METTL15: variants seen among roughly 807,000 people sequenced by gnomAD.
METTL15 encodes 12S rRNA N(4)-cytidine methyltransferase METTL15.
A neutral mutation model predicts 38.3 loss-of-function variants in METTL15; 34 were observed. That is an observed-to-expected ratio of 0.89 (90% CI 0.68 to 1.18). The LOEUF (loss-of-function observed/expected upper bound fraction) is 1.18. METTL15 is among the 50% of genes most tolerant of loss of function. The pLI, the probability that METTL15 is intolerant of heterozygous loss-of-function variation, is 0.00. For missense variants in METTL15, 438 were observed against 498.4 expected (o/e 0.88, Z 1.15); for synonymous variants, 162 against 170.9 (o/e 0.95, Z 0.41).
chr11:28,360,638 C>T (rs980923921), intron 4 of METTL15, among the ~76,000 whole-genome samples: 9 of 151,992 alleles, frequency 5.9e-5, no homozygotes, highest in African/African-American at 1.7e-4. Context: ...GGTGCTTTCA[C>T]GATGTGTAAA....
intron 3 of METTL15, among the ~76,000 whole-genome samples, chr11:28,150,577 G>A (rs983737401): frequency 2.6e-5 from 4 of 151,588 alleles, no homozygotes; most frequent in Non-Finnish European, 5.9e-5. Context: ...TAAAATGGGG[G>A]TGATTTTAAA....
intron 4 of METTL15, among the ~76,000 whole-genome samples, chr11:28,221,133 C>T (rs1338989586): frequency 1.3e-5 from 2 of 152,198 alleles, no homozygotes; most frequent in African/African-American, 2.4e-5. Context: ...GGAAGTTCTC[C>T]TGGATAGTAT....
chr11:28,162,792 T>A (rs961213303), intron 3 of METTL15, among the ~76,000 whole-genome samples: 1 of 152,148 alleles, frequency 6.6e-6, no homozygotes, highest in African/African-American at 2.4e-5. Context: ...GATTATCATG[T>A]AATTTATTGA....
At chr11:28,282,153 G>A (rs1856078871) in intron 4 of METTL15, among the ~76,000 whole-genome samples, 1 of 152,072 alleles carries the variant, frequency 6.6e-6, no homozygotes, top group Non-Finnish European at 1.5e-5. Flanking sequence ...AACCCTTACT[G>A]CTAACATGCT....
chr11:28,496,901 A>C (rs1350640146), intron 6 of METTL15, among the ~76,000 whole-genome samples: 1 of 152,194 alleles, frequency 6.6e-6, no homozygotes, highest in Non-Finnish European at 1.5e-5. Flanking sequence ...AATACCTTTG[A>C]ACCTTCCCCT....
At chr11:28,377,679 C>G (rs1463581986) in intron 5 of METTL15, among the ~76,000 whole-genome samples, 2 of 152,166 alleles carry the variant, frequency 1.3e-5, no homozygotes, top group Non-Finnish European at 2.9e-5. Flanking sequence ...ATTCTCTGTC[C>G]AGCTTTGTTC....
chr11:28,279,636 C>T (rs1325192599), intron 4 of METTL15, among the ~76,000 whole-genome samples: 1 of 152,140 alleles, frequency 6.6e-6, no homozygotes, highest in African/African-American at 2.4e-5. Flanking sequence ...TGCGGTGGCT[C>T]ACGCCTGTAA....
intron 3 of METTL15, among the ~76,000 whole-genome samples, chr11:28,203,680 GT>G (rs1852199260): frequency 6.6e-6 from 1 of 151,954 alleles, no homozygotes; most frequent in Non-Finnish European, 1.5e-5. Flanking sequence ...AGTCTGTTAT[GT>G]CCCTTTGACC....
At chr11:28,158,522 G>A (rs1411695467) in intron 3 of METTL15, among the ~76,000 whole-genome samples, 1 of 152,150 alleles carries the variant, frequency 6.6e-6, no homozygotes, top group Non-Finnish European at 1.5e-5. Flanking sequence ...CAGCTACCTG[G>A]TGGCAGGTTG....
chr11:28,385,662 G>C (rs991012799), intron 5 of METTL15, among the ~76,000 whole-genome samples: 1 of 152,122 alleles, frequency 6.6e-6, no homozygotes, highest in South Asian at 2.1e-4. Context: ...TTTTAAAATA[G>C]TTGTTTCTAA....
intron 4 of METTL15, among the ~76,000 whole-genome samples, chr11:28,355,077 G>A (rs146930456): frequency 5.9e-5 from 9 of 152,216 alleles, no homozygotes; most frequent in African/African-American, 1.9e-4. Flanking sequence ...CTCCCACAGA[G>A]CACAAAGTGT....
At chr11:28,443,762 G>A (rs534459613) in intron 6 of METTL15, among the ~76,000 whole-genome samples, 5 of 152,296 alleles carry the variant, frequency 3.3e-5, no homozygotes, top group Admixed American at 1.3e-4. Flanking sequence ...CCACTTGAGA[G>A]TATGTAGAGA....
chr11:28,287,819 T>C (rs1483503963), intron 4 of METTL15, among the ~76,000 whole-genome samples: 3 of 152,140 alleles, frequency 2.0e-5, no homozygotes, highest in Admixed American at 2.0e-4. Context: ...GCAGGTTCAA[T>C]TCCTGCCAGC....
At chr11:28,361,665 G>A (rs1850139998) in intron 4 of METTL15, among the ~76,000 whole-genome samples, 1 of 152,006 alleles carries the variant, frequency 6.6e-6, no homozygotes, top group Admixed American at 6.6e-5. Context: ...TGGGTAGGGG[G>A]AGGGGTATAA....
At chr11:28,464,654 A>G (rs1295680799) in intron 6 of METTL15, among the ~76,000 whole-genome samples, 1 of 152,070 alleles carries the variant, frequency 6.6e-6, no homozygotes, top group Non-Finnish European at 1.5e-5. Context: ...AAAATAGTCT[A>G]TTTTCTGTTC....
chr11:28,325,540 C>T (rs2134054772), intron 6 of METTL15, among the ~76,000 whole-genome samples: 1 of 152,332 alleles, frequency 6.6e-6, no homozygotes, highest in South Asian at 2.1e-4. Context: ...TTTATCCATT[C>T]ATTCATCCAT....
intron 5 of METTL15, among the ~76,000 whole-genome samples, chr11:28,396,308 A>G (rs371246779): frequency 6.6e-6 from 1 of 152,080 alleles, no homozygotes; most frequent in African/African-American, 2.4e-5. Flanking sequence ...CAAATTGTCC[A>G]TGTTTGCAGA....
intron 3 of METTL15, among the ~76,000 whole-genome samples, chr11:28,156,012 C>G (rs761816527): frequency 6.6e-6 from 1 of 152,162 alleles, no homozygotes; most frequent in African/African-American, 2.4e-5. Flanking sequence ...GAAACTAATA[C>G]GACTGAAGTT....
At chr11:28,366,688 A>G (rs938502552) in intron 5 of METTL15, among the ~76,000 whole-genome samples, 1 of 152,190 alleles carries the variant, frequency 6.6e-6, no homozygotes, top group Admixed American at 6.5e-5. Flanking sequence ...ATTCTGTATC[A>G]TTTGAGGCTA....
Sources: allele counts gnomAD v4.1 joint callset (sites outside exome capture counted in the v4.1 genomes callset), GRCh38; gene constraint gnomAD v4.1.1; transcripts MANE v1.5; gene names NCBI Gene and HGNC (gene_info 2026-07-23, HGNC 2026-07-21).